TDRD9: variants seen among roughly 807,000 people sequenced by gnomAD.
TDRD9 encodes tudor domain containing 9, also known as ATP-dependent RNA helicase TDRD9.
A neutral mutation model predicts 172.6 loss-of-function variants in TDRD9; 124 were observed. The observed-to-expected ratio is 0.72, with a 90% confidence interval of 0.62 to 0.83. The LOEUF (loss-of-function observed/expected upper bound fraction) is 0.83, where lower values mean the gene tolerates loss of function less well. Among genes scored for constraint, TDRD9 ranks in the 40% least tolerant of loss-of-function variants. TDRD9 has a pLI of 0.00. For missense variants in TDRD9, 1,479 were observed against 1,714.1 expected (o/e 0.86, Z 2.42); for synonymous variants, 619 against 617.1 (o/e 1.00, Z -0.05).
chr14:104,024,945 A>G (rs2035070147), intron 25 of TDRD9, among the ~76,000 whole-genome samples: 1 of 152,240 alleles, frequency 6.6e-6, no homozygotes, highest in Non-Finnish European at 1.5e-5. Flanking sequence ...AAATGCTGAA[A>G]TAAATCAGAT....
intron 13 of TDRD9, among the ~76,000 whole-genome samples, chr14:103,999,059 C>T (rs2034163547): frequency 1.3e-5 from 2 of 152,218 alleles, no homozygotes; most frequent in South Asian, 2.1e-4. Context: ...TCCCAAAGTG[C>T]TGGGATTACA....
intron 13 of TDRD9, among the ~76,000 whole-genome samples, chr14:104,003,588 A>G (rs1385950787): frequency 6.6e-6 from 1 of 151,860 alleles, no homozygotes; most frequent in Admixed American, 6.6e-5. Flanking sequence ...ACTCCCTCCT[A>G]CCCCTCCCTT....
chr14:103,996,461 G>T (rs1267651215), intron 12 of TDRD9, among the ~76,000 whole-genome samples: 1 of 152,104 alleles, frequency 6.6e-6, no homozygotes. Flanking sequence ...AGGGGAAGGG[G>T]TACAGTTATT....
chr14:104,033,971 T>G lies in TDRD9; in HGVS notation c.3521T>G (p.Ile1174Ser), dbSNP rs941128060. Residue 1174 changes from isoleucine to serine, a missense_variant, in exon 31 of 36, where the codon ATT (isoleucine) becomes AGT (serine). Ile to Ser is a moderately radical substitution (Grantham distance 142). Transcript: ENST00000409874. The stretch of plus-strand genomic sequence containing the variant: ...CTCCTGCCTTTTAGGTGTGTTTGGA[T>G]TGAGAAGGAGAGCATCAACTCTGTC... Reference protein sequence around the residue: ...TRISKFRCVWIEKESINSVII... With the variant: ...TRISKFRCVWSEKESINSVII... 4.5e-5 allele frequency: 69 copies of G among 1,549,084 alleles called. 1 individual carries two copies. Among genetic ancestry groups the G allele is most frequent in the Admixed American group, 7.8e-5 (4 of 50,962 alleles).
intron 20 of TDRD9, among the ~76,000 whole-genome samples, chr14:104,011,423 C>G (rs554929289): frequency 2.0e-5 from 3 of 152,278 alleles, no homozygotes; most frequent in South Asian, 2.1e-4. Flanking sequence ...GAACATCTTT[C>G]TGTACCCAGG....
chr14:103,956,079 TAAAAAAAAAAAAAAAA>T (rs60712068), intron 2 of TDRD9, among the ~76,000 whole-genome samples: 1 of 25,186 alleles, frequency 4.0e-5, no homozygotes, highest in African/African-American at 2.3e-4. Context: ...ACCCTCTCTT[TAAAAAAAAAAAAAAAA>T]AAAAAAAAAA....
At chr14:104,027,091 A>T (rs1342994871) in intron 28 of TDRD9, among the ~76,000 whole-genome samples, 152 bp downstream of exon 28, 1 of 152,188 alleles carries the variant, frequency 6.6e-6, no homozygotes, top group Admixed American at 6.5e-5. Context: ...TGGTGGCACC[A>T]ATTTAAATGT....
At chr14:104,040,091 G>A in intron 32 of TDRD9, 105 bp from the exon 33 acceptor site, 1 of 1,087,060 alleles carries the variant, frequency 9.2e-7, no homozygotes, top group Non-Finnish European at 1.2e-6. Flanking sequence ...TGCTGTACTA[G>A]GGCTGGCAGA....
intron 20 of TDRD9, among the ~76,000 whole-genome samples, chr14:104,009,970 G>A (rs1382358051): frequency 1.3e-5 from 2 of 148,932 alleles, no homozygotes; most frequent in Non-Finnish European, 3.0e-5. Flanking sequence ...TTTTGAGATG[G>A]AGTCTTGCCC....
chr14:103,993,095 A>G (rs919892203), intron 9 of TDRD9, among the ~76,000 whole-genome samples: 21 of 151,696 alleles, frequency 1.4e-4, no homozygotes, highest in Admixed American at 3.9e-4. Flanking sequence ...TCAGCCTCCC[A>G]AGTAGCTGGG....
At chr14:103,957,489 A>G (rs549542339) in intron 2 of TDRD9, among the ~76,000 whole-genome samples, 11 of 152,382 alleles carry the variant, frequency 7.2e-5, no homozygotes, top group Non-Finnish European at 1.3e-4. Flanking sequence ...ACTTATGCTA[A>G]GAAAAGTACA....
At chr14:103,949,334 G>A (rs140918686) in intron 1 of TDRD9, among the ~76,000 whole-genome samples, 2 of 152,284 alleles carry the variant, frequency 1.3e-5, no homozygotes, top group African/African-American at 2.4e-5. Context: ...CATGAAGCAG[G>A]GGTCTAGATG....
In TDRD9 at chr14:103,995,811, A is replaced by G. The variant is rs375463595; in HGVS notation, c.1378+4A>G. ...ACAGTTCCAGATGTCAAATATGGTA[A>G]GATACTTCTCCGTTTACCTCCTGGC... On this transcript the variant is annotated splice_donor_region_variant and intron_variant, in intron 12 of 35. Transcript: ENST00000409874. 9.3e-6 allele frequency: 15 copies of G among 1,606,976 alleles called. No homozygotes were observed. The highest frequency in any genetic ancestry group is 1.3e-5 in the Non-Finnish European group (15 of 1,176,956).
intron 25 of TDRD9, among the ~76,000 whole-genome samples, chr14:104,025,100 G>T (rs1318163282): frequency 5.3e-5 from 8 of 152,204 alleles, no homozygotes; most frequent in Non-Finnish European, 1.0e-4. Context: ...CCCTGCCTCA[G>T]CCTCCTGAGT....
intron 35 of TDRD9, 33 bp from the exon 36 acceptor site, chr14:104,051,946 CAG>C: frequency 6.9e-7 from 1 of 1,450,458 alleles, no homozygotes; most frequent in Non-Finnish European, 9.5e-7. Context: ...AGCCCTGTCA[CAG>C]AGCCTGACTG....
Position 103,938,433 on chromosome 14 carries a change from TATATA to T in TDRD9, c.215+9710_215+9714del, listed in dbSNP as rs1432021477. On this transcript the variant is annotated intron_variant, in intron 1 of 35. Coordinates refer to ENST00000409874, the MANE Select transcript of TDRD9 (RefSeq NM_153046.3). Reference sequence around the variant, plus strand: ...GTGTGTGTATATATATATATATATATATATATATTTTTTTTTTTTTTTTGAGATGG... The same window carrying T: ...GTGTGTGTATATATATATATATATATTATTTTTTTTTTTTTTTTGAGATGG... Among the ~76,000 whole-genome samples the T allele has an allele frequency of 2.2e-3, 136 of 61,388 alleles. 1 individual carries two copies. The highest frequency in any genetic ancestry group is 7.2e-3 in the East Asian group (13 of 1,808). The allele number at this position is 61,388 out of a possible 152,430, so 40.3% of individuals were successfully genotyped here.
chr14:103,969,792 G>A (rs2032937966), intron 5 of TDRD9, among the ~76,000 whole-genome samples: 1 of 135,992 alleles, frequency 7.4e-6, no homozygotes, highest in Non-Finnish European at 1.5e-5. Context: ...AGGCTGCCTA[G>A]CCCTTGGGTG....
chr14:104,049,244 C>G (rs72714924), intron 34 of TDRD9, among the ~76,000 whole-genome samples: 384 of 152,090 alleles, frequency 2.5e-3, no homozygotes, highest in Admixed American at 4.0e-3. Flanking sequence ...TTCAAATTCC[C>G]TATCTTTTTA....
chr14:104,024,763 C>T (rs1425728513), intron 25 of TDRD9, 83 bp downstream of exon 25: 6 of 354,174 alleles, frequency 1.7e-5, no homozygotes, highest in African/African-American at 2.8e-5. Context: ...CACACACACA[C>T]ACACACACAC....
Sources: gnomAD v4.1 joint callset for allele counts (sites outside exome capture counted in the v4.1 genomes callset) on GRCh38, gnomAD v4.1.1 for gene constraint, MANE v1.5 for transcripts, NCBI Gene and HGNC (gene_info 2026-07-23, HGNC 2026-07-21) for gene names.